TRMT11: variants seen among roughly 807,000 people sequenced by gnomAD.
The protein encoded by TRMT11 is tRNA methyltransferase 11.
Under a neutral mutation model 62.8 loss-of-function variants are expected in TRMT11, and 53 were observed. The observed-to-expected ratio is 0.84, with a 90% CI of 0.68 to 1.06. TRMT11 has a LOEUF of 1.06. Among genes scored for constraint, TRMT11 ranks in the 50% least tolerant of loss-of-function variants. The pLI is 0.00. For missense variants in TRMT11, 556 were observed against 553.4 expected (o/e 1.00, Z -0.05); for synonymous variants, 188 against 190.3 (o/e 0.99, Z 0.10).
chr6:126,259,864 T>C, the TRMT11 span, among the ~76,000 whole-genome samples: 1 of 152,194 alleles, frequency 6.6e-6, no homozygotes, highest in East Asian at 1.9e-4. Context: ...AATTCTATTT[T>C]ATCATATATA....
At chr6:126,110,184 G>C (rs948953481) in intron 17 of TRMT11, among the ~76,000 whole-genome samples, 1 of 152,084 alleles carries the variant, frequency 6.6e-6, no homozygotes. Context: ...TGCTATGGAG[G>C]CATTATTATT....
chr6:126,011,482 T>C (rs767140262), intron 9 of TRMT11, 65 bp downstream of exon 9: 132 of 1,396,976 alleles, frequency 9.4e-5, no homozygotes, highest in African/African-American at 3.2e-4. Flanking sequence ...ACATTTAAAG[T>C]ACAAAATTTA....
At chr6:126,123,318 G>A (rs1777671731) in intron 21 of TRMT11, among the ~76,000 whole-genome samples, 1 of 152,074 alleles carries the variant, frequency 6.6e-6, no homozygotes, top group South Asian at 2.1e-4. Context: ...GGCAGGAAGG[G>A]AGTGTATGGC....
chr6:126,166,565 C>T (rs1205303716), intron 21 of TRMT11, among the ~76,000 whole-genome samples: 2 of 152,194 alleles, frequency 1.3e-5, no homozygotes, highest in Admixed American at 6.5e-5. Context: ...TATAAGGTGT[C>T]TCCCAGACAG....
intron 17 of TRMT11, among the ~76,000 whole-genome samples, chr6:126,060,839 ATAGAC>A (rs1776515635): frequency 6.6e-6 from 1 of 152,240 alleles, no homozygotes; most frequent in Admixed American, 6.5e-5. Context: ...AGAACACAAC[ATAGAC>A]TACTTGTTGT....
intron 21 of TRMT11, among the ~76,000 whole-genome samples, chr6:126,136,693 A>G (rs1247897230): frequency 1.3e-5 from 2 of 151,970 alleles, no homozygotes; most frequent in Non-Finnish European, 2.9e-5. Context: ...CTGAGCAAAA[A>G]GAACAAAGCT....
At chr6:126,155,810 T>C (rs62427026) in intron 21 of TRMT11, among the ~76,000 whole-genome samples, 124 of 152,194 alleles carry the variant, frequency 8.1e-4, no homozygotes, top group Non-Finnish European at 1.6e-3. Context: ...AAGCTCTGCC[T>C]CCCAGGTTCA....
At chr6:126,212,314 A>C in the TRMT11 span, among the ~76,000 whole-genome samples, 16 of 152,086 alleles carry the variant, frequency 1.1e-4, no homozygotes, top group African/African-American at 3.6e-4. Flanking sequence ...ATCATATGGT[A>C]GCTGTATTTT....
the TRMT11 span, among the ~76,000 whole-genome samples, chr6:126,271,215 T>C: frequency 6.6e-6 from 1 of 151,358 alleles, no homozygotes; most frequent in Non-Finnish European, 1.5e-5. Flanking sequence ...AATACAAAAA[T>C]TAGCTGCATG....
chr6:126,224,510 C>G, the TRMT11 span, among the ~76,000 whole-genome samples: 1 of 152,184 alleles, frequency 6.6e-6, no homozygotes, highest in African/African-American at 2.4e-5. Context: ...GTTTAAGCAC[C>G]TGTTGATCTT....
At chr6:125,990,899 ATGTG>A (rs1247184159) in intron 1 of TRMT11, among the ~76,000 whole-genome samples, 1 of 152,038 alleles carries the variant, frequency 6.6e-6, no homozygotes, top group Non-Finnish European at 1.5e-5. Flanking sequence ...CCTAAGATAA[ATGTG>A]TGTGTATTTT....
At chr6:126,028,152 C>T (rs1264004735) in intron 12 of TRMT11, among the ~76,000 whole-genome samples, 4 of 152,214 alleles carry the variant, frequency 2.6e-5, no homozygotes, top group African/African-American at 7.2e-5. Context: ...ACTTTTCTTT[C>T]TGAAATATAT....
chr6:126,071,182 C>G (rs1424175801), intron 17 of TRMT11, among the ~76,000 whole-genome samples: 1 of 152,094 alleles, frequency 6.6e-6, no homozygotes, highest in African/African-American at 2.4e-5. Flanking sequence ...TCAGTGAAAA[C>G]TGGTTATCAT....
chr6:126,255,238 C>CT, the TRMT11 span, among the ~76,000 whole-genome samples: 1 of 151,820 alleles, frequency 6.6e-6, no homozygotes, highest in Non-Finnish European at 1.5e-5. Context: ...ATATCTATAC[C>CT]TTTTTTCTGA....
chr6:126,194,042 G>GTA (rs1234968716), intron 1 of TRMT11, among the ~76,000 whole-genome samples: 1 of 151,996 alleles, frequency 6.6e-6, no homozygotes, highest in Non-Finnish European at 1.5e-5. Context: ...ACTTCATATG[G>GTA]TTTAGACTTT....
At chr6:126,263,571 A>C in the TRMT11 span, among the ~76,000 whole-genome samples, 1 of 152,222 alleles carries the variant, frequency 6.6e-6, no homozygotes, top group Non-Finnish European at 1.5e-5. Context: ...ATTTATCTCC[A>C]GTTAAAGGGC....
At chr6:126,231,314 A>C in the TRMT11 span, among the ~76,000 whole-genome samples, 1 of 152,166 alleles carries the variant, frequency 6.6e-6, no homozygotes, top group African/African-American at 2.4e-5. Flanking sequence ...TTATACCTGA[A>C]TTTTTTTAAA....
At chr6:126,236,381 T>C in the TRMT11 span, among the ~76,000 whole-genome samples, 4 of 152,240 alleles carry the variant, frequency 2.6e-5, no homozygotes, top group Admixed American at 6.5e-5. Flanking sequence ...TCTTTGTGTC[T>C]ACCTTGTATT....
At chr6:126,059,650 A>G (rs1044280599) in intron 17 of TRMT11, among the ~76,000 whole-genome samples, 3 of 152,228 alleles carry the variant, frequency 2.0e-5, no homozygotes, top group African/African-American at 4.8e-5. Flanking sequence ...AGATGAAGAA[A>G]TGGAAATTCA....
Sources: allele counts gnomAD v4.1 joint callset (sites outside exome capture counted in the v4.1 genomes callset), GRCh38; gene constraint gnomAD v4.1.1; transcripts MANE v1.5; gene names NCBI Gene and HGNC (gene_info 2026-07-23, HGNC 2026-07-21).